ORC3: variants seen among roughly 807,000 people sequenced by gnomAD.
ORC3 encodes the protein homolog of latheo, Drosophila.
In ORC3, 78 loss-of-function variants were observed where a neutral mutation model predicts 100.7. The observed-to-expected ratio is 0.77, with a 90% CI of 0.65 to 0.94. The LOEUF is 0.94. Among genes scored for constraint, ORC3 ranks in the 40% least tolerant of loss-of-function variants. The pLI, the probability that ORC3 is intolerant of heterozygous loss-of-function variation, is 0.00. For missense variants in ORC3, 789 were observed against 823.9 expected, an observed-to-expected ratio of 0.96 and a Z score of 0.52; for synonymous variants, 295 against 289.3, an observed-to-expected ratio of 1.02 and a Z score of -0.20.
rs7754347 is a variant in ORC3 at position 87,658,613 on chromosome 6, T to C, written c.1691+595T>C. Among the ~76,000 whole-genome samples the C allele has an allele frequency of 9.2e-3, 1,406 of 152,326 alleles. 21 individuals carry two copies. The highest frequency in any genetic ancestry group is 0.032 in the African/African-American group (1,311 of 41,588). On this transcript the variant is annotated intron_variant, in intron 16 of 19. Coordinates refer to ENST00000392844, the MANE Select transcript of ORC3 (RefSeq NM_012381.4). ...AGGTGGGGAGAGATGAGATAGAAAG[T>C]GAATGTTTCTCTTTCTAATAATAAA...
At chr6:87,622,299 A>G (rs1280404251) in intron 11 of ORC3, among the ~76,000 whole-genome samples, 1 of 152,076 alleles carries the variant, frequency 6.6e-6, no homozygotes, top group Non-Finnish European at 1.5e-5. Flanking sequence ...TGCTATGTGA[A>G]TCTTTTTCCA....
At chr6:87,592,849 T>C (rs1202433955) in intron 1 of ORC3, among the ~76,000 whole-genome samples, 1 of 152,098 alleles carries the variant, frequency 6.6e-6, no homozygotes, top group African/African-American at 2.4e-5. Context: ...ATCCCAGCAC[T>C]TTGGGAGGCC....
chr6:87,630,534 A>G (rs892529712), intron 11 of ORC3, among the ~76,000 whole-genome samples: 23 of 152,340 alleles, frequency 1.5e-4, no homozygotes, highest in African/African-American at 5.5e-4. Flanking sequence ...TACAGGAGTG[A>G]ACCAAACAGC....
intron 13 of ORC3, among the ~76,000 whole-genome samples, chr6:87,637,907 A>G (rs1767949610): frequency 6.6e-6 from 1 of 152,208 alleles, no homozygotes; most frequent in South Asian, 2.1e-4. Flanking sequence ...AAAACTCTTA[A>G]TATACCTTTA....
At chr6:87,641,586 G>A (rs1307528954) in intron 13 of ORC3, among the ~76,000 whole-genome samples, 1 of 152,124 alleles carries the variant, frequency 6.6e-6, no homozygotes, top group Non-Finnish European at 1.5e-5. Context: ...TATCCTAAGT[G>A]TAACCTTATG....
chr6:87,639,863 G>C (rs1033933901), intron 13 of ORC3, among the ~76,000 whole-genome samples: 1 of 150,968 alleles, frequency 6.6e-6, no homozygotes, highest in Non-Finnish European at 1.5e-5. Context: ...AGCCTGGCAT[G>C]GTGGTGCACA....
At chr6:87,598,519 A>G (rs34385811) in intron 2 of ORC3, among the ~76,000 whole-genome samples, 10,937 of 152,258 alleles carry the variant, frequency 0.072, 544 homozygotes, top group African/African-American at 0.15. Context: ...CTCTCATTAT[A>G]TAAGGCCAAG....
intron 11 of ORC3, among the ~76,000 whole-genome samples, chr6:87,624,033 C>T (rs1320945781): frequency 1.3e-5 from 2 of 152,112 alleles, no homozygotes; most frequent in Admixed American, 1.3e-4. Context: ...TTGGTGTATT[C>T]ATTTTCAAAT....
intron 4 of ORC3, among the ~76,000 whole-genome samples, chr6:87,603,910 A>G (rs1778153620): frequency 6.6e-6 from 1 of 152,168 alleles, no homozygotes; most frequent in Non-Finnish European, 1.5e-5. Context: ...CGTATCTTCA[A>G]TGGAATTACT....
At chr6:87,595,415 G>T (rs1402338016) in intron 2 of ORC3, 1 of 152,174 alleles carries the variant, frequency 6.6e-6, no homozygotes, top group Non-Finnish European at 1.5e-5. Context: ...AATACCATGT[G>T]AATAAATTTG....
At chr6:87,595,360 T>C (rs1373873819) in intron 2 of ORC3, 2 of 152,274 alleles carry the variant, frequency 1.3e-5, no homozygotes, top group African/African-American at 4.8e-5. Flanking sequence ...ATTCTCATTC[T>C]ATCTCTCTAA....
At chr6:87,640,083 G>C (rs141735783) in intron 13 of ORC3, among the ~76,000 whole-genome samples, 1 of 152,056 alleles carries the variant, frequency 6.6e-6, no homozygotes, top group Non-Finnish European at 1.5e-5. Context: ...CACGCCTCAT[G>C]CCTTTTCTTT....
the ORC3 span, among the ~76,000 whole-genome samples, chr6:87,674,178 T>C: frequency 4.0e-5 from 6 of 151,152 alleles, no homozygotes; most frequent in African/African-American, 1.2e-4. Flanking sequence ...GGCACATTCC[T>C]GTAATGCCAG....
chr6:87,590,159 C>G lies in ORC3; in HGVS notation c.-10C>G, dbSNP rs776845912. On this transcript the variant is annotated 5_prime_UTR_variant, in exon 1 of 20. Transcript: ENST00000392844. ...CGAGTGCATCTGGAATACGCAGAGT[C>G]AGTAAGACCATGGCTACGTCCTCGA... The G allele has an allele frequency of 4.3e-6, 7 of 1,614,082 alleles. No homozygotes were observed. Among genetic ancestry groups the G allele is most frequent in the Middle Eastern group, 1.6e-4 (1 of 6,062 alleles).
intron 11 of ORC3, among the ~76,000 whole-genome samples, chr6:87,629,314 A>G (rs1780140511): frequency 6.6e-6 from 1 of 152,260 alleles, no homozygotes; most frequent in African/African-American, 2.4e-5. Flanking sequence ...ACAGAAGTTT[A>G]TAGTCATTTT....
At chr6:87,660,174 A>C (rs140382574) in intron 16 of ORC3, among the ~76,000 whole-genome samples, 1 of 152,336 alleles carries the variant, frequency 6.6e-6, no homozygotes, top group Non-Finnish European at 1.5e-5. Flanking sequence ...TCCTTCACCT[A>C]ATATGTCTGA....
chr6:87,590,843 A>G (rs554225712), intron 1 of ORC3, among the ~76,000 whole-genome samples: 4 of 152,318 alleles, frequency 2.6e-5, no homozygotes, highest in African/African-American at 9.6e-5. Flanking sequence ...GAAAGTAGAC[A>G]AAGAGTGGGA....
At position 87,618,429 on chromosome 6, in the gene ORC3, A is replaced by AAG. The variant is rs563030623; in HGVS notation, c.987+2002_987+2003insAG. ...GAGGCTCCATCTCAAAAAAAAAAAA[A>AAG]GAAATCTCTGCCTTCAAATTGTTAT... On this transcript the variant is annotated intron_variant, in intron 9 of 19. Transcript: ENST00000392844. Among the ~76,000 whole-genome samples, 492 of 151,940 alleles carry AAG rather than the reference A, an allele frequency of 3.2e-3. 2 individuals are homozygous for AAG. The highest frequency in any genetic ancestry group is 5.3e-3 in the Non-Finnish European group (362 of 67,934).
downstream of ORC3, among the ~76,000 whole-genome samples, chr6:87,669,142 A>G (rs920242700): frequency 2.0e-5 from 3 of 152,214 alleles, no homozygotes; most frequent in African/African-American, 7.2e-5. Flanking sequence ...GGGCAGAAAG[A>G]GTGAAACTCC....
Sources: allele counts gnomAD v4.1 joint callset (sites outside exome capture counted in the v4.1 genomes callset), GRCh38; gene constraint gnomAD v4.1.1; transcripts MANE v1.5; gene names NCBI Gene and HGNC (gene_info 2026-07-23, HGNC 2026-07-21).